The following GRM5 variants were observed in gnomAD, a reference collection of about 807,000 sequenced individuals.
The protein encoded by GRM5 is glutamate metabotropic receptor 5.
In GRM5, 19 loss-of-function variants were observed where a neutral mutation model predicts 83.1. That is an observed-to-expected ratio of 0.23 (90% CI 0.16 to 0.34). The LOEUF is 0.34. GRM5 is among the 10% of genes least tolerant of loss of function. The pLI is 1.00. For missense variants in GRM5, 1,160 were observed against 1,588.3 expected (o/e 0.73, Z 4.58); for synonymous variants, 675 against 633.6 (o/e 1.07, Z -0.98).
At chr11:88,670,353 C>T (rs1940160015) in intron 3 of GRM5, among the ~76,000 whole-genome samples, 1 of 151,884 alleles carries the variant, frequency 6.6e-6, no homozygotes, top group Non-Finnish European at 1.5e-5. Flanking sequence ...TCAAAAAGGG[C>T]ATAGACAGAA....
chr11:89,059,117 G>A lies in GRM5; in HGVS notation c.-201+6659C>T, dbSNP rs1941937169. Among the ~76,000 whole-genome samples, 3 of 152,020 alleles carry A rather than the reference G, an allele frequency of 2.0e-5. No individual in the cohort carries two copies. The South Asian group carries it at 6.2e-4, about 32-fold the overall frequency. ...TGATTACAAGTTTTCATTTTCCTCAGAACATTTATACTCAAAATTTTAAAA... is the reference window on the plus strand; with the variant it reads ...TGATTACAAGTTTTCATTTTCCTCAAAACATTTATACTCAAAATTTTAAAA... On this transcript the variant is annotated intron_variant, in intron 1 of 9. Coordinates refer to ENST00000305447, the MANE Select transcript of GRM5 (RefSeq NM_001143831.3).
intron 3 of GRM5, among the ~76,000 whole-genome samples, chr11:88,821,344 CA>C (rs375051761): frequency 0.15 from 10,215 of 67,934 alleles, 432 homozygotes; most frequent in African/African-American, 0.28. Context: ...CTTGAGGGGC[CA>C]AAAAAAAAAA....
chr11:88,549,531 G>T (rs1282084440), intron 8 of GRM5, among the ~76,000 whole-genome samples: 1 of 151,912 alleles, frequency 6.6e-6, no homozygotes, highest in African/African-American at 2.4e-5. Context: ...AATGTCCAAG[G>T]ATTGTTGAAA....
intron 3 of GRM5, among the ~76,000 whole-genome samples, chr11:88,812,646 T>C (rs1321723062): frequency 6.6e-6 from 1 of 152,190 alleles, no homozygotes; most frequent in Non-Finnish European, 1.5e-5. Context: ...GATGTTAATA[T>C]GGCTGACACT....
At chr11:88,830,683 G>A (rs2135519242) in intron 3 of GRM5, among the ~76,000 whole-genome samples, 1 of 152,308 alleles carries the variant, frequency 6.6e-6, no homozygotes, top group East Asian at 1.9e-4. Flanking sequence ...CTAACAGAGA[G>A]AGCTACGTGA....
chr11:88,734,802 G>T (rs1023305150), intron 3 of GRM5, among the ~76,000 whole-genome samples: 7 of 151,950 alleles, frequency 4.6e-5, no homozygotes, highest in African/African-American at 1.7e-4. Context: ...ACCAATTATG[G>T]ATTTATTAAG....
intron 3 of GRM5, among the ~76,000 whole-genome samples, chr11:88,786,167 T>C (rs959800730): frequency 6.6e-6 from 1 of 152,044 alleles, no homozygotes; most frequent in African/African-American, 2.4e-5. Context: ...ACATACAACA[T>C]AGTGAAATGG....
intron 2 of GRM5, among the ~76,000 whole-genome samples, chr11:88,961,911 T>C (rs1183503085): frequency 6.6e-6 from 1 of 152,204 alleles, no homozygotes; most frequent in Non-Finnish European, 1.5e-5. Flanking sequence ...AATTCGATGA[T>C]GGTAATGATG....
At chr11:88,808,433 G>A (rs1943534496) in intron 3 of GRM5, among the ~76,000 whole-genome samples, 1 of 151,954 alleles carries the variant, frequency 6.6e-6, no homozygotes, top group African/African-American at 2.4e-5. Flanking sequence ...TAAACAATGT[G>A]TTTGCATTTA....
At chr11:89,016,307 C>T (rs1940854390) in intron 2 of GRM5, among the ~76,000 whole-genome samples, 2 of 150,024 alleles carry the variant, frequency 1.3e-5, no homozygotes, top group African/African-American at 4.9e-5. Context: ...ATTATATATA[C>T]ATTATACATA....
Position 88,653,211 on chromosome 11 carries a change from T to G in GRM5, c.1104A>C (p.Glu368Asp), listed in dbSNP as rs1939680407. The G allele has an allele frequency of 3.7e-6, 6 of 1,612,600 alleles. No homozygotes were observed. In the South Asian group the frequency reaches 6.6e-5, roughly 18 times the overall value. The change falls in exon 4 of 10, where the codon GAA (glutamate) becomes GAC (aspartate). Residue 368 changes from glutamate (E) to aspartate (D), a missense_variant. Coordinates refer to ENST00000305447, the MANE Select transcript of GRM5 (RefSeq NM_001143831.3). ...FWQHRFQCRL[E>D]GFPQENSKYN... ...ATTTGCTGTTCTCCTGTGGAAACCC[T>G]TCCAGTCGGCACTGAAAACGATGCT...
At position 89,000,804 on chromosome 11, in the gene GRM5, C is replaced by T. The variant is rs372859204; in HGVS notation, c.661+46408G>A. On this transcript the variant is annotated intron_variant, in intron 2 of 9. Coordinates refer to ENST00000305447, the MANE Select transcript of GRM5 (RefSeq NM_001143831.3). Reference sequence around the variant, plus strand: ...ACTGGGAGAAGATATTTGCAAACCACGTATTGAACAAAGGATTACTATCTA... The same window carrying T: ...ACTGGGAGAAGATATTTGCAAACCATGTATTGAACAAAGGATTACTATCTA... 8.3e-4 allele frequency among the ~76,000 whole-genome samples: 126 copies of T among 151,804 alleles called. No homozygotes were observed. The South Asian group carries it at 0.025, about 30-fold the overall frequency.
chr11:88,880,757 G>A (rs1287968486), intron 2 of GRM5, among the ~76,000 whole-genome samples: 2 of 152,122 alleles, frequency 1.3e-5, no homozygotes, highest in Non-Finnish European at 2.9e-5. Context: ...AAGATTTACT[G>A]ACAAAGGAGA....
At chr11:88,844,247 T>C (rs573087958) in intron 3 of GRM5, among the ~76,000 whole-genome samples, 2 of 152,182 alleles carry the variant, frequency 1.3e-5, no homozygotes, top group South Asian at 4.2e-4. Context: ...TTATGAATTA[T>C]GTTACATGTA....
chr11:88,615,491 C>A, intron 4 of GRM5, among the ~76,000 whole-genome samples: 1 of 152,086 alleles, frequency 6.6e-6, no homozygotes, highest in East Asian at 1.9e-4. Context: ...CCTTCTTCCT[C>A]CACCAGAGAA....
intron 2 of GRM5, among the ~76,000 whole-genome samples, chr11:88,930,806 C>T (rs1393626716): frequency 1.3e-5 from 2 of 152,082 alleles, no homozygotes; most frequent in Non-Finnish European, 1.5e-5. Flanking sequence ...ACCTTGGCCT[C>T]CAACAGTGCT....
chr11:88,895,528 A>G (rs1015073944), intron 2 of GRM5, among the ~76,000 whole-genome samples: 2 of 152,084 alleles, frequency 1.3e-5, no homozygotes, highest in East Asian at 3.9e-4. Flanking sequence ...AGTATTAACT[A>G]TCATAATTGG....
chr11:88,557,547 C>A (rs900340295), intron 8 of GRM5, among the ~76,000 whole-genome samples: 1 of 152,096 alleles, frequency 6.6e-6, no homozygotes, highest in Non-Finnish European at 1.5e-5. Context: ...TGGCTGATGG[C>A]TCCTTGAGGC....
At chr11:88,626,824 A>T (rs1938810075) in intron 4 of GRM5, among the ~76,000 whole-genome samples, 1 of 152,200 alleles carries the variant, frequency 6.6e-6, no homozygotes, top group African/African-American at 2.4e-5. Flanking sequence ...GATACAAAAA[A>T]AATTTGATTC....
Sources: gnomAD v4.1 joint callset for allele counts (sites outside exome capture counted in the v4.1 genomes callset) on GRCh38, gnomAD v4.1.1 for gene constraint, MANE v1.5 for transcripts, NCBI Gene and HGNC (gene_info 2026-07-23, HGNC 2026-07-21) for gene names.